The following SLC24A2 variants were observed in gnomAD, a reference collection of about 807,000 sequenced individuals.
The protein encoded by SLC24A2 is solute carrier family 24 member 2, also known as sodium/potassium/calcium exchanger 2.
In SLC24A2, 36 loss-of-function variants were observed where a neutral mutation model predicts 62.0. That is an observed-to-expected ratio of 0.58 (90% CI 0.44 to 0.77). The LOEUF (loss-of-function observed/expected upper bound fraction) is 0.77, where lower values mean the gene tolerates loss of function less well. Among genes scored for constraint, SLC24A2 ranks in the 30% least tolerant of loss-of-function variants. The pLI, the probability that SLC24A2 is intolerant of heterozygous loss-of-function variation, is 0.00. For synonymous variants in SLC24A2, 358 were observed against 294.0 expected, an observed-to-expected ratio of 1.22 and a Z score of -2.23; for missense variants, 846 against 817.9, an observed-to-expected ratio of 1.03 and a Z score of -0.42.
At chr9:20,046,912 A>G in the SLC24A2 span, among the ~76,000 whole-genome samples, 1 of 152,170 alleles carries the variant, frequency 6.6e-6, no homozygotes, top group South Asian at 2.1e-4. Flanking sequence ...AATAAGACCC[A>G]GGATTCTTTT....
At chr9:20,176,222 G>A in the SLC24A2 span, among the ~76,000 whole-genome samples, 1 of 152,002 alleles carries the variant, frequency 6.6e-6, no homozygotes, top group Non-Finnish European at 1.5e-5. Flanking sequence ...AAATGAAATA[G>A]TGAGTCTTTT....
At chr9:19,823,990 C>T in the SLC24A2 span, among the ~76,000 whole-genome samples, 5 of 152,124 alleles carry the variant, frequency 3.3e-5, no homozygotes, top group African/African-American at 9.7e-5. Flanking sequence ...GGAAACTGGA[C>T]CCCTGCCTTA....
chr9:20,150,391 G>A, the SLC24A2 span, among the ~76,000 whole-genome samples: 3 of 151,860 alleles, frequency 2.0e-5, no homozygotes, highest in Non-Finnish European at 4.4e-5. Flanking sequence ...TTCAATCTGT[G>A]ACCTATCAAG....
the SLC24A2 span, among the ~76,000 whole-genome samples, chr9:19,896,614 A>C: frequency 6.6e-6 from 1 of 152,216 alleles, no homozygotes; most frequent in Non-Finnish European, 1.5e-5. Context: ...GCATTGGAGC[A>C]GTTAGGTAAT....
At chr9:19,625,014 A>G (rs1817999123) in intron 2 of SLC24A2, among the ~76,000 whole-genome samples, 1 of 152,200 alleles carries the variant, frequency 6.6e-6, no homozygotes. Context: ...TTTAATGTGT[A>G]TAGCCAGTGG....
chr9:20,233,652 T>C, the SLC24A2 span, among the ~76,000 whole-genome samples: 3,299 of 152,302 alleles, frequency 0.022, 132 homozygotes, highest in African/African-American at 0.074. Context: ...CTGAATACAG[T>C]ACACTGACGG....
At chr9:20,142,881 C>A in the SLC24A2 span, among the ~76,000 whole-genome samples, 1 of 152,214 alleles carries the variant, frequency 6.6e-6, no homozygotes, top group Non-Finnish European at 1.5e-5. Flanking sequence ...CAGGCATGAA[C>A]CACCGTGCCC....
chr9:19,625,982 C>T (rs149657046), intron 2 of SLC24A2, among the ~76,000 whole-genome samples: 25 of 152,224 alleles, frequency 1.6e-4, no homozygotes, highest in African/African-American at 6.0e-4. Flanking sequence ...CCACCGCGCC[C>T]TGCTGGAAAT....
the SLC24A2 span, among the ~76,000 whole-genome samples, chr9:20,131,932 G>C: frequency 6.6e-6 from 1 of 152,080 alleles, no homozygotes; most frequent in Non-Finnish European, 1.5e-5. Flanking sequence ...GGAATAATTT[G>C]GCATAAATGG....
the SLC24A2 span, among the ~76,000 whole-genome samples, chr9:20,210,190 G>T: frequency 6.6e-6 from 1 of 152,126 alleles, no homozygotes; most frequent in Non-Finnish European, 1.5e-5. Context: ...TTCTTTGGGG[G>T]ACAGGTTTAA....
At chr9:20,061,362 C>T in the SLC24A2 span, among the ~76,000 whole-genome samples, 1 of 151,942 alleles carries the variant, frequency 6.6e-6, no homozygotes, top group African/African-American at 2.4e-5. Context: ...TCTTGGCTCA[C>T]CACAACCTCC....
At chr9:19,582,130 T>C (rs557948051) in intron 5 of SLC24A2, among the ~76,000 whole-genome samples, 1 of 152,178 alleles carries the variant, frequency 6.6e-6, no homozygotes, top group African/African-American at 2.4e-5. Flanking sequence ...GGTAGGGAAG[T>C]GCGGAAGTAA....
the SLC24A2 span, among the ~76,000 whole-genome samples, chr9:20,221,721 A>G: frequency 3.7e-4 from 56 of 152,248 alleles, no homozygotes; most frequent in Non-Finnish European, 6.9e-4. Context: ...TAAAGCTCTC[A>G]GAGAGCAGAC....
At chr9:19,528,822 C>A (rs944331260) in intron 8 of SLC24A2, among the ~76,000 whole-genome samples, 1 of 152,136 alleles carries the variant, frequency 6.6e-6, no homozygotes, top group African/African-American at 2.4e-5. Context: ...GCAGATCAGA[C>A]ATTGCTCTCA....
At chr9:20,110,772 T>G in the SLC24A2 span, among the ~76,000 whole-genome samples, 1 of 152,194 alleles carries the variant, frequency 6.6e-6, no homozygotes, top group Non-Finnish European at 1.5e-5. Flanking sequence ...ATTTGAAAAA[T>G]TATAGTTTCA....
the SLC24A2 span, among the ~76,000 whole-genome samples, chr9:20,211,582 C>G: frequency 6.6e-6 from 1 of 152,086 alleles, no homozygotes; most frequent in African/African-American, 2.4e-5. Context: ...TTGAAATCAG[C>G]TAGACATGTA....
At chr9:20,012,268 A>C in the SLC24A2 span, among the ~76,000 whole-genome samples, 1 of 152,206 alleles carries the variant, frequency 6.6e-6, no homozygotes, top group Non-Finnish European at 1.5e-5. Context: ...ATCATGGCAG[A>C]AGGTGAAAGA....
the SLC24A2 span, among the ~76,000 whole-genome samples, chr9:20,235,100 G>A: frequency 6.6e-6 from 1 of 152,200 alleles, no homozygotes; most frequent in South Asian, 2.1e-4. Flanking sequence ...TTGTCTCAGA[G>A]GAGTACCTGG....
rs1832603357 is a variant in SLC24A2 at position 19,508,807 on chromosome 9, TA to T, written c.*7345del. The T allele has an allele frequency of 6.6e-6, 1 of 152,002 alleles. No individual in the cohort carries two copies. 9.4% of individuals were successfully genotyped at this position (152,002 alleles called of 1,614,324 possible). ...AGACCCTGTCTGTTAAAAAAAAAAT[TA>T]TATAAAAATTTGTGATGAAGTTGAA... On this transcript the variant is annotated 3_prime_UTR_variant, in exon 11 of 11. Transcript: ENST00000341998.
Sources: gnomAD v4.1 joint callset for allele counts (sites outside exome capture counted in the v4.1 genomes callset) on GRCh38, gnomAD v4.1.1 for gene constraint, MANE v1.5 for transcripts, NCBI Gene and HGNC (gene_info 2026-07-23, HGNC 2026-07-21) for gene names.